Variants in GLIS3 observed in about 807,000 individuals in gnomAD.
GLIS3 encodes GLIS family zinc finger 3, also known as zinc finger protein GLIS3.
In GLIS3, 53 loss-of-function variants were observed where a neutral mutation model predicts 78.6. The ratio of observed to expected loss-of-function variants is 0.67; its 90% CI spans 0.54 to 0.85. GLIS3 has a LOEUF of 0.85. Among genes scored for constraint, GLIS3 ranks in the 40% least tolerant of loss-of-function variants. GLIS3 has a pLI of 0.00. For missense variants in GLIS3, 1,703 were observed against 1,231.1 expected (o/e 1.38, Z -5.74); for synonymous variants, 684 against 509.9 (o/e 1.34, Z -4.60).
chr9:4,241,593 G>T (rs926126243), intron 2 of GLIS3, among the ~76,000 whole-genome samples: 3 of 151,924 alleles, frequency 2.0e-5, no homozygotes, highest in Admixed American at 6.6e-5. Context: ...CCCAAAATAT[G>T]TACAGCTATT....
intron 4 of GLIS3, among the ~76,000 whole-genome samples, chr9:4,048,466 A>G (rs1463819764): frequency 1.3e-5 from 2 of 152,272 alleles, no homozygotes; most frequent in African/African-American, 4.8e-5. Flanking sequence ...TGTGCATAAT[A>G]TAAGCCATTC....
At chr9:4,334,218 T>C (rs554182499) in intron 2 of GLIS3, among the ~76,000 whole-genome samples, 1 of 152,214 alleles carries the variant, frequency 6.6e-6, no homozygotes, top group African/African-American at 2.4e-5. Flanking sequence ...TGAAAGACCA[T>C]CTGATAGTGT....
At chr9:4,151,948 G>C (rs41278343) in intron 2 of GLIS3, 3,738 of 156,634 alleles carry the variant, frequency 0.024, 77 homozygotes, top group Non-Finnish European at 0.033. Context: ...AGAATGAGAA[G>C]ACATAAAAAC....
chr9:4,252,815 G>A (rs1057127614), intron 2 of GLIS3, among the ~76,000 whole-genome samples: 2 of 152,152 alleles, frequency 1.3e-5, no homozygotes, highest in Admixed American at 6.5e-5. Flanking sequence ...CCTTTTTGCT[G>A]ATGTTGATGC....
chr9:4,213,946 C>G (rs533844920), intron 2 of GLIS3, among the ~76,000 whole-genome samples: 6 of 143,312 alleles, frequency 4.2e-5, no homozygotes, highest in Admixed American at 2.1e-4. Context: ...AAAAAAACAA[C>G]TAAAACTGAA....
chr9:3,833,268 A>G (rs528436654), intron 9 of GLIS3, among the ~76,000 whole-genome samples: 2 of 152,306 alleles, frequency 1.3e-5, no homozygotes, highest in African/African-American at 4.8e-5. Flanking sequence ...CTCTCCAAGT[A>G]GCCAGTTACT....
chr9:4,260,662 G>C (rs1247254769), intron 2 of GLIS3, among the ~76,000 whole-genome samples: 1 of 151,662 alleles, frequency 6.6e-6, no homozygotes, highest in Non-Finnish European at 1.5e-5. Flanking sequence ...ACAAGAATCT[G>C]TTGAACCCGG....
chr9:4,350,790 G>GTTTGT (rs71326104), upstream of GLIS3, among the ~76,000 whole-genome samples: 25,666 of 151,764 alleles, frequency 0.17, 2,255 homozygotes, highest in East Asian at 0.3. Flanking sequence ...AAACATCAGG[G>GTTTGT]TTTGTTTTGT....
chr9:4,113,680 G>T (rs1042379733), intron 4 of GLIS3, among the ~76,000 whole-genome samples: 5 of 152,238 alleles, frequency 3.3e-5, no homozygotes, highest in Non-Finnish European at 5.9e-5. Context: ...ATTTCCTCAA[G>T]ACATGTCTTA....
intron 2 of GLIS3, among the ~76,000 whole-genome samples, chr9:4,343,756 C>G (rs1817868691): frequency 6.6e-6 from 1 of 152,174 alleles, no homozygotes; most frequent in African/African-American, 2.4e-5. Flanking sequence ...GAGATCTTGT[C>G]CTTTGCAGCA....
chr9:4,255,156 G>C (rs572934466), intron 2 of GLIS3, among the ~76,000 whole-genome samples: 3 of 152,082 alleles, frequency 2.0e-5, no homozygotes, highest in Non-Finnish European at 4.4e-5. Flanking sequence ...TAAAATAATA[G>C]TGAGATACCA....
At chr9:4,030,664 C>A (rs1823761054) in intron 4 of GLIS3, among the ~76,000 whole-genome samples, 1 of 152,158 alleles carries the variant, frequency 6.6e-6, no homozygotes, top group Non-Finnish European at 1.5e-5. Flanking sequence ...TTTCCAAGCA[C>A]CATTTATTGA....
At chr9:3,952,063 T>G (rs1816737366) in intron 4 of GLIS3, among the ~76,000 whole-genome samples, 1 of 150,192 alleles carries the variant, frequency 6.7e-6, no homozygotes, top group South Asian at 2.1e-4. Flanking sequence ...GCCAAGATAA[T>G]TTGGAGAATG....
intron 4 of GLIS3, among the ~76,000 whole-genome samples, chr9:4,037,817 T>C (rs539252250): frequency 6.6e-6 from 1 of 152,326 alleles, no homozygotes; most frequent in Admixed American, 6.5e-5. Flanking sequence ...TTCAAGTCTT[T>C]TTTTAAATAC....
intron 2 of GLIS3, among the ~76,000 whole-genome samples, chr9:4,274,372 TAAC>T: frequency 6.6e-6 from 1 of 152,132 alleles, no homozygotes; most frequent in Non-Finnish European, 1.5e-5. Flanking sequence ...ATTTGCTACT[TAAC>T]ATTGATTGGG....
At chr9:4,358,332 AAAG>A in the GLIS3 span, among the ~76,000 whole-genome samples, 2 of 120,780 alleles carry the variant, frequency 1.7e-5, no homozygotes, top group African/African-American at 5.6e-5. Context: ...TTTACAAAAA[AAAG>A]AGACTAATAC....
intron 2 of GLIS3, among the ~76,000 whole-genome samples, chr9:4,155,111 A>C (rs1017164242): frequency 3.9e-5 from 6 of 152,352 alleles, no homozygotes; most frequent in Admixed American, 3.9e-4. Flanking sequence ...ACTTGTAGAT[A>C]AGTTTCTTTT....
intron 2 of GLIS3, among the ~76,000 whole-genome samples, chr9:4,178,842 C>T (rs1817025352): frequency 6.6e-6 from 1 of 152,146 alleles, no homozygotes; most frequent in African/African-American, 2.4e-5. Flanking sequence ...AAACAAACAT[C>T]TTTGAGGGTA....
chr9:4,073,398 G>C (rs552406607), intron 4 of GLIS3, among the ~76,000 whole-genome samples: 10 of 152,276 alleles, frequency 6.6e-5, no homozygotes, highest in African/African-American at 2.4e-4. Context: ...ATGGAGCCTA[G>C]AATTTTGAAT....
Sources: gnomAD v4.1 joint callset for allele counts (sites outside exome capture counted in the v4.1 genomes callset) on GRCh38, gnomAD v4.1.1 for gene constraint, MANE v1.5 for transcripts, NCBI Gene and HGNC (gene_info 2026-07-23, HGNC 2026-07-21) for gene names.